MAPK8: variants seen among roughly 807,000 people sequenced by gnomAD.
The protein encoded by MAPK8 is JUN N-terminal kinase.
In MAPK8, 13 loss-of-function variants were observed where a neutral mutation model predicts 52.9. The ratio of observed to expected loss-of-function variants is 0.25; its 90% CI spans 0.16 to 0.39. The LOEUF is 0.39. Among genes scored for constraint, MAPK8 ranks in the 10% least tolerant of loss-of-function variants. The pLI, the probability that MAPK8 is intolerant of heterozygous loss-of-function variation, is 1.00. For missense variants in MAPK8, 300 were observed against 519.2 expected, an observed-to-expected ratio of 0.58 and a Z score of 4.10; for synonymous variants, 191 against 169.8, an observed-to-expected ratio of 1.12 and a Z score of -0.97.
intron 1 of MAPK8, among the ~76,000 whole-genome samples, chr10:48,372,486 A>G (rs1256021272): frequency 1.3e-5 from 2 of 152,146 alleles, no homozygotes; most frequent in Admixed American, 6.6e-5. Context: ...AAAAAAGGTT[A>G]GACAAATTGC....
chr10:48,358,787 A>G (rs1173283524), intron 1 of MAPK8, among the ~76,000 whole-genome samples: 1 of 152,158 alleles, frequency 6.6e-6, no homozygotes, highest in Non-Finnish European at 1.5e-5. Flanking sequence ...TAATTTTTGA[A>G]CATGGTATAG....
chr10:48,425,810 C>A, intron 7 of MAPK8, 78 bp from the exon 8 acceptor site: 2 of 342,556 alleles, frequency 5.8e-6, no homozygotes, highest in South Asian at 4.6e-5. Flanking sequence ...TTTTAAATTT[C>A]TATTTTCTTG....
At chr10:48,407,632 A>C (rs1425455671) in intron 3 of MAPK8, among the ~76,000 whole-genome samples, 1 of 152,164 alleles carries the variant, frequency 6.6e-6, no homozygotes, top group Non-Finnish European at 1.5e-5. Context: ...TGTGTCATGC[A>C]ATTCACCCAT....
At chr10:48,424,237 A>G (rs2043535451) in intron 7 of MAPK8, 78 bp downstream of exon 7, 6 of 1,275,472 alleles carry the variant, frequency 4.7e-6, no homozygotes, top group East Asian at 2.3e-5. Context: ...TGAATATGCT[A>G]CATTTACACA....
At chr10:48,312,800 A>C (rs1842096562) in intron 1 of MAPK8, among the ~76,000 whole-genome samples, 1 of 152,196 alleles carries the variant, frequency 6.6e-6, no homozygotes, top group Admixed American at 6.5e-5. Context: ...TTAATGTTTT[A>C]ATTTGTTTAC....
At chr10:48,396,399 A>G (rs1286168800) in intron 1 of MAPK8, among the ~76,000 whole-genome samples, 1 of 152,210 alleles carries the variant, frequency 6.6e-6, no homozygotes, top group Non-Finnish European at 1.5e-5. Flanking sequence ...ATGATGAGAT[A>G]TGACACACGT....
chr10:48,311,964 T>G (rs765313103), intron 1 of MAPK8, among the ~76,000 whole-genome samples: 1 of 152,196 alleles, frequency 6.6e-6, no homozygotes, highest in Non-Finnish European at 1.5e-5. Flanking sequence ...GTTTCTACCC[T>G]CAGTGAGCTG....
chr10:48,320,272 C>G (rs942465186), intron 1 of MAPK8, among the ~76,000 whole-genome samples: 5 of 115,364 alleles, frequency 4.3e-5, no homozygotes, highest in African/African-American at 1.7e-4. Context: ...CTCTGTCACC[C>G]TGTTACCCAG....
intron 1 of MAPK8, among the ~76,000 whole-genome samples, chr10:48,357,812 T>C (rs1564525949): frequency 6.6e-6 from 1 of 152,214 alleles, no homozygotes; most frequent in Non-Finnish European, 1.5e-5. Flanking sequence ...CAGGACATTT[T>C]CATCACCCCA....
intron 1 of MAPK8, among the ~76,000 whole-genome samples, chr10:48,317,262 C>G (rs1010097785): frequency 1.3e-5 from 2 of 152,190 alleles, no homozygotes; most frequent in African/African-American, 4.8e-5. Context: ...CAGCCTTAAA[C>G]TCCTGGGTTC....
chr10:48,420,234 G>A lies in MAPK8; in HGVS notation c.530G>A (p.Gly177Glu). ...GACTTCGGTCTGGCCAGGACTGCAG[G>A]AACGAGTTTTATGATGACGCCTTAT... ...ILDFGLARTA[G>E]TSFMMTPYVV... is the part of the protein sequence containing the mutation. The change falls in exon 6 of 12, where the codon GGA (glycine) becomes GAA (glutamate). Residue 177 changes from glycine (G) to glutamate (E), a missense_variant. By Grantham distance (98) the Gly-to-Glu change is moderately conservative. Coordinates refer to ENST00000374189, the MANE Select transcript of MAPK8 (RefSeq NM_001323329.2). 1 of 1,613,924 alleles carries A rather than the reference G, an allele frequency of 6.2e-7. No homozygotes were observed. The highest frequency in any genetic ancestry group is 8.5e-7 in the Non-Finnish European group (1 of 1,179,864).
Position 48,431,288 on chromosome 10 carries a change from C to T in MAPK8, c.1138+18C>T, listed in dbSNP as rs747259337. 3.8e-6 allele frequency: 6 copies of T among 1,569,938 alleles called. No individual in the cohort carries two copies. The highest frequency in any genetic ancestry group is 5.2e-6 in the Non-Finnish European group (6 of 1,143,404). ...TCCTTTAGGTTGGTTACAATATAAGCTTGGTTAAGATTACAGTTTACTTCT... is the reference window on the plus strand; with the variant it reads ...TCCTTTAGGTTGGTTACAATATAAGTTTGGTTAAGATTACAGTTTACTTCT... On this transcript the variant is annotated intron_variant, in intron 11 of 11. Transcript: ENST00000374189.
At chr10:48,426,696 T>G (rs2043704858) in intron 9 of MAPK8, 192 bp downstream of exon 9, 2 of 571,596 alleles carry the variant, frequency 3.5e-6, no homozygotes, top group Non-Finnish European at 5.9e-6. Flanking sequence ...CAAAATAAAG[T>G]TACCTCCCAC....
At chr10:48,411,273 A>G (rs1158872860) in intron 5 of MAPK8, among the ~76,000 whole-genome samples, 2 of 152,146 alleles carry the variant, frequency 1.3e-5, no homozygotes, top group African/African-American at 4.8e-5. Flanking sequence ...TCTTTGATCT[A>G]TTTTGAGTTA....
intron 6 of MAPK8, 111 bp downstream of exon 6, chr10:48,420,431 A>G (rs2043288125): frequency 2.0e-6 from 2 of 1,017,898 alleles, no homozygotes; most frequent in East Asian, 2.6e-5. Context: ...AATGTGTATC[A>G]TTGTTTGAAA....
intron 1 of MAPK8, among the ~76,000 whole-genome samples, chr10:48,323,276 G>A (rs1843162356): frequency 6.6e-6 from 1 of 152,214 alleles, no homozygotes; most frequent in African/African-American, 2.4e-5. Context: ...TGACATATTT[G>A]TTGTAATGAT....
intron 1 of MAPK8, among the ~76,000 whole-genome samples, chr10:48,309,267 A>C (rs993291522): frequency 6.6e-6 from 1 of 152,234 alleles, no homozygotes; most frequent in African/African-American, 2.4e-5. Context: ...TTGTGCCTTG[A>C]TCACCATCAC....
intron 1 of MAPK8, among the ~76,000 whole-genome samples, chr10:48,395,260 C>A (rs543512988): frequency 6.6e-6 from 1 of 152,068 alleles, no homozygotes; most frequent in South Asian, 2.1e-4. Context: ...TTCACACTTA[C>A]TAGAAAGCTA....
intron 1 of MAPK8, among the ~76,000 whole-genome samples, chr10:48,396,676 G>A (rs1422970235): frequency 6.6e-6 from 1 of 152,174 alleles, no homozygotes; most frequent in African/African-American, 2.4e-5. Flanking sequence ...GGGGTGAATA[G>A]ATAGCAAATT....
Sources: allele counts gnomAD v4.1 joint callset (sites outside exome capture counted in the v4.1 genomes callset), GRCh38; gene constraint gnomAD v4.1.1; transcripts MANE v1.5; gene names NCBI Gene and HGNC (gene_info 2026-07-23, HGNC 2026-07-21).